The following TRIT1 variants were observed in gnomAD, a reference collection of about 807,000 sequenced individuals.
TRIT1 encodes tRNA isopentenyltransferase 1, also known as tRNA dimethylallyltransferase.
In TRIT1, 43 loss-of-function variants were observed where a neutral mutation model predicts 51.2. The ratio of observed to expected loss-of-function variants is 0.84; its 90% CI spans 0.66 to 1.08. The LOEUF is 1.08. Among genes scored for constraint, TRIT1 ranks in the 50% least tolerant of loss-of-function variants. The probability of loss-of-function intolerance (pLI) is 0.00; values close to 1 mark genes in which losing one functional copy is unlikely to be tolerated. For synonymous variants in TRIT1, 184 were observed against 203.9 expected (o/e 0.90, Z 0.83); for missense variants, 528 against 578.4 (o/e 0.91, Z 0.89).
intron 10 of TRIT1, among the ~76,000 whole-genome samples, chr1:39,842,587 G>T (rs1433864763): frequency 1.3e-5 from 2 of 152,126 alleles, no homozygotes; most frequent in Non-Finnish European, 2.9e-5. Flanking sequence ...TCAAGCTTTA[G>T]GGCCACTGTT....
In TRIT1 at chr1:39,838,632, C is replaced by T. The variant is rs1345297681; in HGVS notation, c.*3112G>A. Among the ~76,000 whole-genome samples the T allele has an allele frequency of 6.6e-6, 1 of 151,966 alleles. No individual in the cohort carries two copies. ...GACTATAGGCATGACCCACCATACC[C>T]GGCATGCATACATATATATATATGT... is the stretch of plus-strand genomic sequence containing the variant. On this transcript the variant is annotated 3_prime_UTR_variant, in exon 11 of 11. Coordinates refer to ENST00000316891, the MANE Select transcript of TRIT1 (RefSeq NM_017646.6).
At chr1:39,862,973 C>T in intron 1 of TRIT1, 2 of 985,188 alleles carry the variant, frequency 2.0e-6, no homozygotes, top group Non-Finnish European at 2.4e-6. Flanking sequence ...AAATGCTTTT[C>T]TCTGCACAAA....
chr1:39,857,494 T>A lies in TRIT1; in HGVS notation c.175-77A>T, dbSNP rs1028835359. 53 of 1,529,378 alleles carry A rather than the reference T, an allele frequency of 3.5e-5. No individual in the cohort carries two copies. In the Middle Eastern group the frequency reaches 1.0e-3, roughly 30 times the overall value. The allele number at this position is 1,529,378 out of a possible 1,614,324, so 94.7% of individuals were successfully genotyped here. A position where few individuals can be genotyped will look rare whatever the true frequency, so the allele number is the denominator to read the frequency against. On this transcript the variant is annotated intron_variant, in intron 1 of 10. Coordinates refer to ENST00000316891, the MANE Select transcript of TRIT1 (RefSeq NM_017646.6). ...CATACTTAATGAATAGAAATTTTGATCTATTTCTCCCTCCTGCCAAACACT... is the reference window on the plus strand; with the variant it reads ...CATACTTAATGAATAGAAATTTTGAACTATTTCTCCCTCCTGCCAAACACT...
intron 2 of TRIT1, among the ~76,000 whole-genome samples, chr1:39,855,953 G>A (rs1042816809): frequency 6.6e-6 from 1 of 151,906 alleles, no homozygotes. Flanking sequence ...CGAGGCAGTA[G>A]GACCACTTGA....
intron 1 of TRIT1, among the ~76,000 whole-genome samples, chr1:39,870,679 G>A (rs1183991569): frequency 3.3e-5 from 5 of 149,628 alleles, no homozygotes; most frequent in African/African-American, 9.8e-5. Context: ...AGAAGAACAC[G>A]AATTCTCATT....
chr1:39,847,273 G>A lies in TRIT1; in HGVS notation c.953C>T (p.Thr318Ile), dbSNP rs1479667934. The A allele has an allele frequency of 1.9e-6, 3 of 1,613,968 alleles. No individual in the cohort carries two copies. Among genetic ancestry groups the A allele is most frequent in the African/African-American group, 1.3e-5 (1 of 74,898 alleles). The part of the protein sequence containing the change: ...KKGIEALKQV[T>I]KRYARKQNRW... ...GTTTTGTTTCCGGGCATATCTCTTA[G>A]TTACTTGTTTCAGAGCCTCAATACC... Residue 318 changes from threonine (T) to isoleucine (I), a missense_variant, in exon 8 of 11, where the codon ACT (threonine) becomes ATT (isoleucine). Coordinates refer to ENST00000316891, the MANE Select transcript of TRIT1 (RefSeq NM_017646.6).
chr1:39,874,612 G>T (rs182220540), intron 1 of TRIT1, among the ~76,000 whole-genome samples: 32 of 151,966 alleles, frequency 2.1e-4, no homozygotes, highest in African/African-American at 7.0e-4. Context: ...TGGTTAAATT[G>T]TCTCTGTACT....
rs946338022 is a variant in TRIT1, at chr1:39,883,483, G to A, written c.9C>T (p.Ser3=). ...CGGGAACTGCTCGTGCAGCCGCCACGGACGCCATCTTATGGCAGTCTGCGC... is the reference window on the plus strand; with the variant it reads ...CGGGAACTGCTCGTGCAGCCGCCACAGACGCCATCTTATGGCAGTCTGCGC... MA[S]VAAARAVPVG... Residue 3 remains serine, a synonymous_variant, in exon 1 of 11, where the codon TCC becomes TCT. Coordinates refer to ENST00000316891, the MANE Select transcript of TRIT1 (RefSeq NM_017646.6). The A allele has an allele frequency of 1.3e-6, 2 of 1,595,616 alleles. No individual in the cohort carries two copies. The highest frequency in any genetic ancestry group is 2.3e-5 in the East Asian group (1 of 44,218).
intron 1 of TRIT1, among the ~76,000 whole-genome samples, chr1:39,863,660 A>G (rs1643371762): frequency 6.6e-6 from 1 of 152,112 alleles, no homozygotes; most frequent in Admixed American, 6.5e-5. Context: ...ATTTGTAAAA[A>G]TGGTACAACG....
At position 39,857,260 on chromosome 1, in the gene TRIT1, G is replaced by A. The variant is rs1275415642; in HGVS notation, c.315+17C>T. ...CTTTCACCCACCAAACCCAGCTGCT[G>A]CCTTTCCTAAGGATATCAGAGCAGT... On this transcript the variant is annotated intron_variant, in intron 2 of 10. Transcript: ENST00000316891. The A allele has an allele frequency of 3.1e-6, 5 of 1,593,306 alleles. No homozygotes were observed. In the Admixed American group the frequency reaches 8.7e-5, roughly 28 times the overall value.
At chr1:39,880,707 G>A (rs936331954) in intron 1 of TRIT1, among the ~76,000 whole-genome samples, 12 of 151,882 alleles carry the variant, frequency 7.9e-5, no homozygotes, top group Non-Finnish European at 1.5e-4. Flanking sequence ...GCTGAGGCAG[G>A]AGAATTGCTT....
At position 39,841,767 on chromosome 1, in the gene TRIT1, G is replaced by A. The variant is rs768054657; in HGVS notation, c.1381C>T (p.Gln461Ter). 6.2e-7 allele frequency: 1 copy of A among 1,612,434 alleles called. No homozygotes were observed. Among genetic ancestry groups the A allele is most frequent in the South Asian group, 1.1e-5 (1 of 90,612 alleles). Residue 461 changes from glutamine (Q) to a stop codon, truncating the protein, a stop_gained, in exon 11 of 11, where the codon CAA becomes TAA. Transcript: ENST00000316891. LOFTEE classifies it high-confidence loss of function. ...KEKGSPGQND[Q>*]ELKCSV ...TCTTAAACGCTGCATTTCAGCTCTT[G>A]ATCATTCTGCCCTGGGGATCCCTTC...
intron 1 of TRIT1, among the ~76,000 whole-genome samples, chr1:39,871,234 A>T (rs1236938631): frequency 6.6e-6 from 1 of 151,804 alleles, no homozygotes; most frequent in Non-Finnish European, 1.5e-5. Flanking sequence ...GGTACATCCA[A>T]ACAGTGGAAT....
In TRIT1 at chr1:39,879,772, C is replaced by G. The variant is rs1285279000; in HGVS notation, c.174+3546G>C. On this transcript the variant is annotated intron_variant, in intron 1 of 10. Transcript: ENST00000316891. ...CCTGTAGTCCCAGCTACTAGGGAGG[C>G]TGAGGCAGGAGAATCACTTAACCTG... Among the ~76,000 whole-genome samples, 3 of 148,950 alleles carry G rather than the reference C, an allele frequency of 2.0e-5. No individual in the cohort carries two copies. In the Admixed American group the frequency reaches 2.1e-4, roughly 10 times the overall value.
rs758324281 is a variant in TRIT1 at position 39,850,185 on chromosome 1, C to A, written c.637G>T (p.Gly213Cys). The A allele has an allele frequency of 6.2e-7, 1 of 1,614,152 alleles. No homozygotes were observed. The highest frequency in any genetic ancestry group is 1.1e-5 in the South Asian group (1 of 91,080). Reference sequence around the variant, plus strand: ...AACTTCAGAGGACCTCCAAGGGGACCACCACCTTCTTCCGTATGTTGACGA... The same window carrying A: ...AACTTCAGAGGACCTCCAAGGGGACAACCACCTTCTTCCGTATGTTGACGA... The part of the protein sequence containing the change: ...LHRQHTEEGG[G>C]PLGGPLKFSN... The change falls in exon 5 of 11, where the codon GGT becomes TGT. Residue 213 changes from glycine (G) to cysteine (C), a missense_variant. Coordinates refer to ENST00000316891, the MANE Select transcript of TRIT1 (RefSeq NM_017646.6).
At chr1:39,863,967 C>T (rs1447712118) in intron 1 of TRIT1, among the ~76,000 whole-genome samples, 1 of 152,044 alleles carries the variant, frequency 6.6e-6, no homozygotes, top group South Asian at 2.1e-4. Flanking sequence ...TCTCAGCTCA[C>T]GGCAACCTCC....
In TRIT1 at chr1:39,858,539, T is replaced by A. The variant is rs557877267; in HGVS notation, c.175-1122A>T. Among the ~76,000 whole-genome samples the A allele has an allele frequency of 3.3e-5, 5 of 152,312 alleles. No homozygotes were observed. The East Asian group carries it at 9.6e-4, about 29-fold the overall frequency. On this transcript the variant is annotated intron_variant, in intron 1 of 10. Coordinates refer to ENST00000316891, the MANE Select transcript of TRIT1 (RefSeq NM_017646.6). Reference sequence around the variant, plus strand: ...GCCTGGCACATTTTAAGGGCCACATTGAGGGTCACTATTACCTAATTGCTA... The same window carrying A: ...GCCTGGCACATTTTAAGGGCCACATAGAGGGTCACTATTACCTAATTGCTA...
At chr1:39,855,114 A>C (rs749821926) in intron 2 of TRIT1, among the ~76,000 whole-genome samples, 3 of 152,222 alleles carry the variant, frequency 2.0e-5, no homozygotes, top group Non-Finnish European at 4.4e-5. Context: ...AGCATCCCAA[A>C]GTGCTGAGGT....
intron 8 of TRIT1, among the ~76,000 whole-genome samples, chr1:39,846,754 T>C (rs1471817249): frequency 6.6e-6 from 1 of 152,232 alleles, no homozygotes; most frequent in Non-Finnish European, 1.5e-5. Context: ...AAAATGCTGT[T>C]CAACTAAAGT....
Sources: gnomAD v4.1 joint callset for allele counts (sites outside exome capture counted in the v4.1 genomes callset) on GRCh38, gnomAD v4.1.1 for gene constraint, MANE v1.5 for transcripts, NCBI Gene and HGNC (gene_info 2026-07-23, HGNC 2026-07-21) for gene names.